The following SULF2 variants were observed in gnomAD, a reference collection of about 807,000 sequenced individuals.
SULF2 encodes the protein sulfatase 2.
A neutral mutation model predicts 107.7 loss-of-function variants in SULF2; 52 were observed. That is an observed-to-expected ratio of 0.48 (90% CI 0.39 to 0.61). SULF2 has a LOEUF of 0.61. Among genes scored for constraint, SULF2 ranks in the 20% least tolerant of loss-of-function variants. SULF2 has a pLI of 0.00. For missense variants in SULF2, 993 were observed against 1,177.3 expected, an observed-to-expected ratio of 0.84 and a Z score of 2.29; for synonymous variants, 460 against 464.3, an observed-to-expected ratio of 0.99 and a Z score of 0.12.
At chr20:47,769,690 A>G (rs1374944194) in intron 1 of SULF2, among the ~76,000 whole-genome samples, 2 of 152,210 alleles carry the variant, frequency 1.3e-5, no homozygotes, top group African/African-American at 4.8e-5. Flanking sequence ...GAATCAGGAA[A>G]AACAATCCTT....
chr20:47,687,903 C>T (rs2088065718), intron 5 of SULF2, among the ~76,000 whole-genome samples: 1 of 151,984 alleles, frequency 6.6e-6, no homozygotes, highest in Admixed American at 6.6e-5. Flanking sequence ...GACAGAGTCT[C>T]ACTAAGTTGC....
chr20:47,779,552 G>C (rs911946061), intron 1 of SULF2, among the ~76,000 whole-genome samples: 3 of 152,176 alleles, frequency 2.0e-5, no homozygotes, highest in Admixed American at 6.5e-5. Context: ...GGATCTTCTT[G>C]AAACACAAAT....
chr20:47,659,696 C>G lies in SULF2; in HGVS notation c.2528+1G>C. Reference sequence around the variant, plus strand: ...TAGGCTTTAATAATAAAACGAAATACCTGTATTGCTCATAGCTTCCTCCAT... The same window carrying G: ...TAGGCTTTAATAATAAAACGAAATAGCTGTATTGCTCATAGCTTCCTCCAT... On this transcript the variant is annotated splice_donor_variant, in intron 19 of 20. Transcript: ENST00000688720. LOFTEE classifies it high-confidence loss of function. 6.2e-7 allele frequency: 1 copy of G among 1,611,754 alleles called. No individual in the cohort carries two copies. Among genetic ancestry groups the G allele is most frequent in the Non-Finnish European group, 8.5e-7 (1 of 1,178,090 alleles).
At chr20:47,768,882 G>T (rs1325678698) in intron 1 of SULF2, among the ~76,000 whole-genome samples, 6 of 127,462 alleles carry the variant, frequency 4.7e-5, no homozygotes, top group South Asian at 2.6e-4. Context: ...TTGTGTGCGT[G>T]TTTTTTTTTT....
At chr20:47,724,313 C>T (rs994765433) in intron 3 of SULF2, among the ~76,000 whole-genome samples, 2 of 152,222 alleles carry the variant, frequency 1.3e-5, no homozygotes, top group Admixed American at 6.5e-5. Context: ...GGGCGAGAGG[C>T]GAGAGCTGCT....
intron 5 of SULF2, among the ~76,000 whole-genome samples, chr20:47,688,794 G>C (rs894904852): frequency 6.6e-6 from 1 of 152,188 alleles, no homozygotes. Context: ...CAGTGCCTTC[G>C]GTACCCTCTC....
intron 4 of SULF2, among the ~76,000 whole-genome samples, chr20:47,693,556 C>A (rs575089007): frequency 1.3e-5 from 2 of 152,312 alleles, no homozygotes; most frequent in Admixed American, 1.3e-4. Context: ...TGGATGAACA[C>A]GGATCAAACG....
chr20:47,682,638 G>T (rs2087864014), intron 7 of SULF2, among the ~76,000 whole-genome samples: 1 of 152,160 alleles, frequency 6.6e-6, no homozygotes, highest in South Asian at 2.1e-4. Flanking sequence ...GTGGTCCGGG[G>T]TTCCTCCCTG....
chr20:47,780,528 A>AC (rs1364377191), intron 1 of SULF2, among the ~76,000 whole-genome samples: 1 of 151,648 alleles, frequency 6.6e-6, no homozygotes, highest in Non-Finnish European at 1.5e-5. Flanking sequence ...GTTGCCTCCC[A>AC]CCCCATCACA....
chr20:47,769,184 G>A (rs1324286530), intron 1 of SULF2, among the ~76,000 whole-genome samples: 1 of 152,006 alleles, frequency 6.6e-6, no homozygotes, highest in Non-Finnish European at 1.5e-5. Context: ...GGAACTACAG[G>A]TGCCCACCAC....
chr20:47,721,045 C>G lies in SULF2; in HGVS notation c.415+15658G>C, dbSNP rs540761844. 1.8e-4 allele frequency among the ~76,000 whole-genome samples: 27 copies of G among 152,272 alleles called. No individual in the cohort carries two copies. The South Asian group carries it at 2.9e-3, about 16-fold the overall frequency. On this transcript the variant is annotated intron_variant, in intron 3 of 20. Transcript: ENST00000688720. ...TGCATTAAATAAACCCAGAGCTCCACAGCTCTCAGGGCTGGGGTATTTCTG... is the reference window on the plus strand; with the variant it reads ...TGCATTAAATAAACCCAGAGCTCCAGAGCTCTCAGGGCTGGGGTATTTCTG...
At chr20:47,740,489 C>T (rs987169347) in intron 2 of SULF2, among the ~76,000 whole-genome samples, 1 of 152,154 alleles carries the variant, frequency 6.6e-6, no homozygotes, top group Non-Finnish European at 1.5e-5. Flanking sequence ...CCCAGGGTCA[C>T]ATCACCAAAC....
Position 47,666,617 on chromosome 20 carries a change from A to AG in SULF2, c.1577-130dup. On this transcript the variant is annotated intron_variant, in intron 11 of 20. Transcript: ENST00000688720. The surrounding 1 kb of genome is among the most constrained non-coding windows in gnomAD (Gnocchi z 5.4). The stretch of plus-strand genomic sequence containing the variant: ...GAGGCTCAGCTTTGCCTGCGACTCG[A>AG]GGGGTCGTGGAATCTACCCGCCTGC... 2.7e-6 allele frequency: 2 copies of AG among 736,290 alleles called. No homozygotes were observed. The highest frequency in any genetic ancestry group is 4.4e-6 in the Non-Finnish European group (2 of 450,842). The allele number at this position is 736,290 out of a possible 1,614,324, so 45.6% of individuals were successfully genotyped here.
At chr20:47,707,786 T>G (rs1610377) in intron 3 of SULF2, among the ~76,000 whole-genome samples, 56,995 of 152,032 alleles carry the variant, frequency 0.37, 10,749 homozygotes, top group East Asian at 0.48. Flanking sequence ...ATCACTTTCT[T>G]TATACCAGAT....
At chr20:47,722,982 G>A (rs1396368403) in intron 3 of SULF2, among the ~76,000 whole-genome samples, 2 of 152,176 alleles carry the variant, frequency 1.3e-5, no homozygotes, top group African/African-American at 2.4e-5. Flanking sequence ...CAGGAGAATC[G>A]CTTGAACCTG....
Position 47,733,395 on chromosome 20 carries a change from C to T in SULF2, c.415+3308G>A, listed in dbSNP as rs140733014. On this transcript the variant is annotated intron_variant, in intron 3 of 20. Transcript: ENST00000688720. ...TTTGTGAAACACATTATATTCCTCC[C>T]TACACTTCGTCAATTCACTTGCTTG... 4.1e-3 allele frequency among the ~76,000 whole-genome samples: 626 copies of T among 152,352 alleles called. 1 individual carries two copies. The highest frequency in any genetic ancestry group is 6.8e-3 in the Middle Eastern group (2 of 294).
intron 1 of SULF2, among the ~76,000 whole-genome samples, chr20:47,780,666 G>A (rs2090815256): frequency 6.6e-6 from 1 of 152,150 alleles, no homozygotes; most frequent in Non-Finnish European, 1.5e-5. Flanking sequence ...CGATTCTGGT[G>A]CCTCAGCCTC....
At chr20:47,715,137 G>T (rs6125083) in intron 3 of SULF2, among the ~76,000 whole-genome samples, 20,836 of 114,704 alleles carry the variant, frequency 0.18, 1,715 homozygotes, top group East Asian at 0.3. Context: ...TCATTATGTT[G>T]CCCAGGCTGG....
chr20:47,705,680 G>T (rs1936716242), intron 3 of SULF2, among the ~76,000 whole-genome samples: 1 of 152,176 alleles, frequency 6.6e-6, no homozygotes, highest in South Asian at 2.1e-4. Context: ...TTGATATCTG[G>T]TGGGTGGAGG....
Sources: gnomAD v4.1 joint callset for allele counts (sites outside exome capture counted in the v4.1 genomes callset) on GRCh38, gnomAD v4.1.1 for gene constraint, Gnocchi (gnomAD v3.1) non-coding constraint, MANE v1.5 for transcripts, NCBI Gene and HGNC (gene_info 2026-07-23, HGNC 2026-07-21) for gene names.